Variants in TLK2 observed in about 807,000 individuals in gnomAD.
The protein encoded by TLK2 is serine/threonine-protein kinase tousled-like 2.
TLK2 carries 6 observed loss-of-function variants against 117.3 expected under a neutral mutation model. The ratio of observed to expected loss-of-function variants is 0.05; its 90% CI spans 0.03 to 0.10. TLK2 has a LOEUF of 0.10. TLK2 is among the 10% of genes least tolerant of loss of function. The pLI is 1.00. For missense variants in TLK2, 299 were observed against 901.2 expected, an observed-to-expected ratio of 0.33 and a Z score of 8.56; for synonymous variants, 257 against 316.7, an observed-to-expected ratio of 0.81 and a Z score of 2.00.
intron 6 of TLK2, among the ~76,000 whole-genome samples, chr17:62,529,330 G>T (rs575783975): frequency 2.4e-4 from 36 of 152,252 alleles, no homozygotes; most frequent in Admixed American, 2.4e-3. Context: ...TCCGCCTCCT[G>T]GGTTCAAGTG....
intron 5 of TLK2, among the ~76,000 whole-genome samples, 169 bp downstream of exon 5, chr17:62,523,346 A>G (rs185467669): frequency 6.5e-4 from 99 of 152,312 alleles, no homozygotes; most frequent in Non-Finnish European, 1.1e-3. Context: ...TGGGAGGCCA[A>G]GATGGGAGGA....
intron 9 of TLK2, among the ~76,000 whole-genome samples, chr17:62,553,995 T>C (rs1220276248): frequency 3.3e-5 from 5 of 152,160 alleles, no homozygotes; most frequent in Non-Finnish European, 7.4e-5. Context: ...ATTGGAGAAA[T>C]AGATATGTGG....
intron 12 of TLK2, among the ~76,000 whole-genome samples, chr17:62,574,768 G>T (rs2080636797): frequency 6.6e-6 from 1 of 151,914 alleles, no homozygotes; most frequent in Admixed American, 6.6e-5. Context: ...CACCCTCCTC[G>T]GCCTCCCAAA....
At chr17:62,542,068 C>T (rs2077574798) in intron 7 of TLK2, among the ~76,000 whole-genome samples, 1 of 152,160 alleles carries the variant, frequency 6.6e-6, no homozygotes, top group African/African-American at 2.4e-5. Flanking sequence ...GTCATTTCCT[C>T]TTCTATTGGT....
intron 10 of TLK2, among the ~76,000 whole-genome samples, chr17:62,564,715 AAAACAAACAAAAAACCAACC>A (rs2079604079): frequency 1.3e-5 from 2 of 151,130 alleles, no homozygotes; most frequent in Admixed American, 6.6e-5. Context: ...CTTAAAAAAA[AAAACAAACAAAAAACCAACC>A]AAACAAACAA....
chr17:62,474,682 A>G (rs2071004155), upstream of TLK2, among the ~76,000 whole-genome samples: 1 of 147,260 alleles, frequency 6.8e-6, no homozygotes, highest in Admixed American at 6.8e-5. Flanking sequence ...TGCTGGTATT[A>G]CAGGTGTTGA....
chr17:62,528,644 T>A (rs1185442810), intron 6 of TLK2, among the ~76,000 whole-genome samples: 1 of 152,030 alleles, frequency 6.6e-6, no homozygotes, highest in Non-Finnish European at 1.5e-5. Context: ...CTCTATCTCC[T>A]GACTTCAAGT....
rs1318628864 is a variant in TLK2, at chr17:62,602,201, C to G, written c.1859+21C>G. 2.5e-6 allele frequency: 4 copies of G among 1,610,904 alleles called. No homozygotes were observed. The South Asian group carries it at 4.4e-5, about 18-fold the overall frequency. On this transcript the variant is annotated intron_variant, in intron 19 of 21. Coordinates refer to ENST00000346027, the MANE Select transcript of TLK2 (RefSeq NM_006852.6). ...TATTGGTAGGTATCCAGGAGCTCTG[C>G]CAGGTTGGCTATAGAGATGTGGCTC... is the stretch of plus-strand genomic sequence containing the variant.
At chr17:62,570,199 A>G (rs2080165454) in intron 11 of TLK2, among the ~76,000 whole-genome samples, 1 of 152,144 alleles carries the variant, frequency 6.6e-6, no homozygotes, top group South Asian at 2.1e-4. Flanking sequence ...AACGACTTTA[A>G]CACATCTTTT....
intron 2 of TLK2, chr17:62,516,282 GCT>G: frequency 1.2e-6 from 1 of 856,532 alleles, no homozygotes; most frequent in Non-Finnish European, 1.8e-6. Flanking sequence ...TTTTTTTTTG[GCT>G]GTAAATTTAT....
chr17:62,580,234 A>T, intron 15 of TLK2, 42 bp downstream of exon 15: 7 of 1,457,688 alleles, frequency 4.8e-6, no homozygotes, highest in African/African-American at 1.4e-5. Flanking sequence ...GGGTTAAATT[A>T]TCGGCTCCTA....
intron 14 of TLK2, 138 bp from the exon 15 acceptor site, chr17:62,579,973 C>T (rs12451705): frequency 0.51 from 307,795 of 608,284 alleles, 83,953 homozygotes; most frequent in East Asian, 0.67. Flanking sequence ...TCAGTATTTG[C>T]CATGTTGATG....
intron 6 of TLK2, among the ~76,000 whole-genome samples, chr17:62,528,725 A>G (rs1162323877): frequency 6.6e-6 from 1 of 152,178 alleles, no homozygotes; most frequent in African/African-American, 2.4e-5. Flanking sequence ...CAAGCTCGGA[A>G]TGATTTTTAG....
At chr17:62,488,961 G>T (rs2072794211) in intron 2 of TLK2, among the ~76,000 whole-genome samples, 1 of 151,222 alleles carries the variant, frequency 6.6e-6, no homozygotes, top group Non-Finnish European at 1.5e-5. Flanking sequence ...GAGTAGCTGG[G>T]CCTACAGGCA....
At position 62,501,034 on chromosome 17, in the gene TLK2, C is replaced by T. The variant is rs538554097; in HGVS notation, c.82-19739C>T. On this transcript the variant is annotated intron_variant, in intron 2 of 21. Transcript: ENST00000346027. ...TGGGCGGATCACGAGGTCAGGAGAT[C>T]GAGACCATCCTGGCTAACGCGGTGA... Among the ~76,000 whole-genome samples, 23 of 151,966 alleles carry T rather than the reference C, an allele frequency of 1.5e-4. 1 individual carries two copies. The South Asian group carries it at 4.4e-3, about 29-fold the overall frequency.
chr17:62,517,855 G>A (rs1445803996), intron 2 of TLK2, among the ~76,000 whole-genome samples: 4 of 151,970 alleles, frequency 2.6e-5, no homozygotes, highest in South Asian at 4.1e-4. Context: ...GCACCATCCC[G>A]CCCGACTATG....
At chr17:62,571,513 G>A (rs1343094621) in intron 11 of TLK2, among the ~76,000 whole-genome samples, 1 of 151,968 alleles carries the variant, frequency 6.6e-6, no homozygotes, top group East Asian at 1.9e-4. Flanking sequence ...GTAGGGATGA[G>A]GAGGTCTAGC....
At chr17:62,562,251 T>C (rs1027676666) in intron 10 of TLK2, among the ~76,000 whole-genome samples, 2 of 152,100 alleles carry the variant, frequency 1.3e-5, no homozygotes, top group South Asian at 4.1e-4. Context: ...TCTTAGCTAC[T>C]CTGGAGGCTG....
intron 6 of TLK2, among the ~76,000 whole-genome samples, chr17:62,533,839 ATTTG>A (rs1312892015): frequency 2.6e-5 from 4 of 152,152 alleles, no homozygotes; most frequent in African/African-American, 4.8e-5. Flanking sequence ...TTCTAAAAGC[ATTTG>A]TTTATTTTTT....
Sources: allele counts gnomAD v4.1 joint callset (sites outside exome capture counted in the v4.1 genomes callset), GRCh38; gene constraint gnomAD v4.1.1; transcripts MANE v1.5; gene names NCBI Gene and HGNC (gene_info 2026-07-23, HGNC 2026-07-21).